The following LUZP2 variants were observed in gnomAD, a reference collection of about 807,000 sequenced individuals.
LUZP2 encodes the protein leucine zipper protein 2.
In LUZP2, 52 loss-of-function variants were observed where a neutral mutation model predicts 51.6. The ratio of observed to expected loss-of-function variants is 1.01; its 90% CI spans 0.81 to 1.27. LUZP2 has a LOEUF of 1.27. LUZP2 is among the 50% of genes most tolerant of loss of function. LUZP2 has a pLI of 0.00. For synonymous variants in LUZP2, 154 were observed against 137.3 expected, an observed-to-expected ratio of 1.12 and a Z score of -0.85; for missense variants, 436 against 395.4, an observed-to-expected ratio of 1.10 and a Z score of -0.87.
chr11:25,051,798 A>C (rs934570434), intron 10 of LUZP2, among the ~76,000 whole-genome samples: 1 of 152,214 alleles, frequency 6.6e-6, no homozygotes, highest in Non-Finnish European at 1.5e-5. Flanking sequence ...ACTACATAAA[A>C]ACATGTTCTC....
At chr11:24,826,861 A>G (rs1230417930) in intron 5 of LUZP2, among the ~76,000 whole-genome samples, 4 of 152,306 alleles carry the variant, frequency 2.6e-5, no homozygotes, top group East Asian at 1.9e-4. Context: ...GTAGAACTAC[A>G]GAAAGCTGCA....
chr11:25,014,097 G>T (rs951011749), intron 9 of LUZP2, among the ~76,000 whole-genome samples: 1 of 152,124 alleles, frequency 6.6e-6, no homozygotes, highest in African/African-American at 2.4e-5. Context: ...TTTTATGGCT[G>T]CATAGAATTC....
intron 10 of LUZP2, among the ~76,000 whole-genome samples, chr11:25,076,247 G>A (rs968439446): frequency 2.6e-5 from 4 of 152,108 alleles, no homozygotes; most frequent in African/African-American, 9.6e-5. Context: ...GTTTCACCAT[G>A]TTGCCCAGGC....
intron 5 of LUZP2, among the ~76,000 whole-genome samples, chr11:24,881,424 G>A (rs571005830): frequency 6.6e-6 from 1 of 151,668 alleles, no homozygotes; most frequent in Non-Finnish European, 1.5e-5. Flanking sequence ...TGCAAGGATG[G>A]ATGAGTCATG....
intron 5 of LUZP2, among the ~76,000 whole-genome samples, chr11:24,884,452 G>A (rs1168015791): frequency 1.3e-5 from 2 of 151,858 alleles, no homozygotes; most frequent in African/African-American, 2.4e-5. Flanking sequence ...ACATACATTC[G>A]ACACCTAGTC....
At chr11:24,970,868 A>G (rs1855719370) in intron 7 of LUZP2, among the ~76,000 whole-genome samples, 1 of 152,194 alleles carries the variant, frequency 6.6e-6, no homozygotes, top group South Asian at 2.1e-4. Context: ...ATGGTCTGTA[A>G]AAATTTGAAG....
At chr11:24,711,208 G>A (rs1857803291) in intron 1 of LUZP2, among the ~76,000 whole-genome samples, 1 of 152,266 alleles carries the variant, frequency 6.6e-6, no homozygotes, top group South Asian at 2.1e-4. Flanking sequence ...CCAGCACTTT[G>A]GGAGGCCAAG....
chr11:25,026,843 C>G (rs1274926288), intron 9 of LUZP2, among the ~76,000 whole-genome samples: 3 of 149,980 alleles, frequency 2.0e-5, no homozygotes, highest in Non-Finnish European at 3.0e-5. Flanking sequence ...ACTATTTCAC[C>G]TTTTTATTTT....
intron 9 of LUZP2, among the ~76,000 whole-genome samples, chr11:25,004,318 T>C (rs898022583): frequency 6.6e-6 from 1 of 152,194 alleles, no homozygotes; most frequent in Non-Finnish European, 1.5e-5. Flanking sequence ...TAACAAGCCC[T>C]ACCAGATGAT....
chr11:24,926,277 A>ATATATATACGTGTG (rs1565118754), intron 7 of LUZP2, among the ~76,000 whole-genome samples: 2 of 45,258 alleles, frequency 4.4e-5, no homozygotes, highest in African/African-American at 2.0e-4. Context: ...ATATACGTGT[A>ATATATATACGTGTG]TATATATATA....
At chr11:24,734,085 T>G (rs1858835013) in intron 3 of LUZP2, among the ~76,000 whole-genome samples, 1 of 151,814 alleles carries the variant, frequency 6.6e-6, no homozygotes, top group Non-Finnish European at 1.5e-5. Context: ...ATTGTGTTAT[T>G]TCCTGGCTTT....
chr11:25,036,006 C>A (rs567349981), intron 9 of LUZP2, among the ~76,000 whole-genome samples: 1 of 152,004 alleles, frequency 6.6e-6, no homozygotes, highest in Non-Finnish European at 1.5e-5. Context: ...GGAGGCCCTC[C>A]TCCCCAGCTT....
chr11:24,760,284 T>G (rs149428486), intron 4 of LUZP2, among the ~76,000 whole-genome samples: 1 of 152,088 alleles, frequency 6.6e-6, no homozygotes. Flanking sequence ...AGGTCTCCGT[T>G]TTAATGTTAA....
At chr11:24,807,841 G>A (rs1047121212) in intron 5 of LUZP2, among the ~76,000 whole-genome samples, 3 of 152,212 alleles carry the variant, frequency 2.0e-5, no homozygotes, top group African/African-American at 4.8e-5. Context: ...AGGTCAGGGC[G>A]ACCATCTTGC....
intron 9 of LUZP2, among the ~76,000 whole-genome samples, chr11:25,025,295 T>C (rs1457413615): frequency 1.3e-5 from 2 of 151,940 alleles, no homozygotes; most frequent in Non-Finnish European, 2.9e-5. Flanking sequence ...AATTGACAAA[T>C]GGGATCTAAT....
chr11:24,534,776 C>T (rs555018986), intron 1 of LUZP2, among the ~76,000 whole-genome samples: 4 of 151,352 alleles, frequency 2.6e-5, no homozygotes, highest in African/African-American at 7.2e-5. Flanking sequence ...CATATAAGAC[C>T]TTCTTTAGTT....
rs1859477439 is a variant in LUZP2 at position 25,082,361 on chromosome 11, A to G, written c.*3703A>G. ...TGCTATAATGAAATCTTTTATTTTT[A>G]TAGCTCAGGTATTGTAATTAGCACT... On this transcript the variant is annotated 3_prime_UTR_variant, in exon 12 of 12. Coordinates refer to ENST00000336930, the MANE Select transcript of LUZP2 (RefSeq NM_001009909.4). The G allele has an allele frequency of 6.6e-6, 1 of 152,642 alleles. No individual in the cohort carries two copies. Among genetic ancestry groups the G allele is most frequent in the South Asian group, 2.1e-4 (1 of 4,836 alleles). 9.5% of individuals were successfully genotyped at this position (152,642 alleles called of 1,614,324 possible). A position where few individuals can be genotyped will look rare whatever the true frequency, so the allele number is the denominator to read the frequency against.
At chr11:24,884,454 C>T (rs73442374) in intron 5 of LUZP2, among the ~76,000 whole-genome samples, 3,297 of 152,080 alleles carry the variant, frequency 0.022, 129 homozygotes, top group African/African-American at 0.075. Context: ...ATACATTCGA[C>T]ACCTAGTCAT....
At chr11:24,952,687 T>G (rs1855111176) in intron 7 of LUZP2, among the ~76,000 whole-genome samples, 1 of 151,954 alleles carries the variant, frequency 6.6e-6, no homozygotes, top group African/African-American at 2.4e-5. Flanking sequence ...ATATGTTTCT[T>G]TGACTTGGCA....
Sources: allele counts gnomAD v4.1 joint callset (sites outside exome capture counted in the v4.1 genomes callset), GRCh38; gene constraint gnomAD v4.1.1; transcripts MANE v1.5; gene names NCBI Gene and HGNC (gene_info 2026-07-23, HGNC 2026-07-21).